KBTBD12: variants seen among roughly 807,000 people sequenced by gnomAD.
The protein encoded by KBTBD12 is kelch repeat and BTB domain-containing protein 12.
Under a neutral mutation model 58.7 loss-of-function variants are expected in KBTBD12, and 53 were observed. The ratio of observed to expected loss-of-function variants is 0.90; its 90% CI spans 0.72 to 1.14. The LOEUF (loss-of-function observed/expected upper bound fraction) is 1.14. Among genes scored for constraint, KBTBD12 ranks in the 50% most tolerant of loss-of-function variants. The pLI, the probability that KBTBD12 is intolerant of heterozygous loss-of-function variation, is 0.00. For synonymous variants in KBTBD12, 236 were observed against 259.8 expected (o/e 0.91, Z 0.88); for missense variants, 704 against 751.3 (o/e 0.94, Z 0.74).
chr3:127,962,191 C>T (rs1940454691), intron 4 of KBTBD12, among the ~76,000 whole-genome samples: 1 of 152,214 alleles, frequency 6.6e-6, no homozygotes, highest in Non-Finnish European at 1.5e-5. Flanking sequence ...AGGCATGTCC[C>T]TCCTTCCGGG....
In KBTBD12 at chr3:127,963,290, C is replaced by G. The variant is rs1474716630; in HGVS notation, c.1594C>G (p.Pro532Ala). The change falls in exon 5 of 6, where the codon CCC becomes GCC. Residue 532 changes from proline to alanine, a missense_variant. Transcript: ENST00000405109. The stretch of plus-strand genomic sequence containing the variant: ...TGGGGACTTTTGGCGAGAGGGCCCT[C>G]CCATGCCAAGTCCCCTCCTCTCACT... ...PDGDFWREGP[P>A]MPSPLLSLRT... 6.2e-7 allele frequency: 1 copy of G among 1,611,786 alleles called. No individual in the cohort carries two copies. Among genetic ancestry groups the G allele is most frequent in the Non-Finnish European group, 8.5e-7 (1 of 1,179,102 alleles).
intron 4 of KBTBD12, among the ~76,000 whole-genome samples, chr3:127,946,077 C>A (rs1039446760): frequency 1.3e-5 from 2 of 152,204 alleles, no homozygotes; most frequent in African/African-American, 4.8e-5. Flanking sequence ...TCTTCTCAAA[C>A]AATATAAGAA....
chr3:127,956,749 A>G (rs956258267), intron 4 of KBTBD12, among the ~76,000 whole-genome samples: 9 of 152,238 alleles, frequency 5.9e-5, no homozygotes, highest in Non-Finnish European at 1.2e-4. Context: ...AGAGTTGTAC[A>G]ACTATACAAT....
At chr3:127,930,828 A>T (rs1027426218) in intron 4 of KBTBD12, among the ~76,000 whole-genome samples, 1 of 152,206 alleles carries the variant, frequency 6.6e-6, no homozygotes, top group Non-Finnish European at 1.5e-5. Flanking sequence ...ACTAACAAGA[A>T]TTGGTAAAAG....
At chr3:127,976,417 C>T (rs569089973) in intron 5 of KBTBD12, among the ~76,000 whole-genome samples, 6 of 152,256 alleles carry the variant, frequency 3.9e-5, no homozygotes, top group Admixed American at 2.0e-4. Context: ...TTAATTAGCA[C>T]AATTTCCCCG....
chr3:127,964,695 G>C (rs1001883471), intron 5 of KBTBD12, among the ~76,000 whole-genome samples: 1 of 151,260 alleles, frequency 6.6e-6, no homozygotes, highest in Non-Finnish European at 1.5e-5. Context: ...ATGATATACT[G>C]TCTGAAATTT....
At chr3:127,939,898 G>A (rs992507485) in intron 4 of KBTBD12, among the ~76,000 whole-genome samples, 1 of 152,140 alleles carries the variant, frequency 6.6e-6, no homozygotes, top group Non-Finnish European at 1.5e-5. Context: ...GGTAGTTTAA[G>A]AGTAAAAGGC....
At chr3:127,973,017 T>G (rs1445731030) in intron 5 of KBTBD12, among the ~76,000 whole-genome samples, 2 of 152,152 alleles carry the variant, frequency 1.3e-5, no homozygotes, top group African/African-American at 4.8e-5. Flanking sequence ...CACAGACTAA[T>G]TACAACATGA....
At chr3:127,967,953 C>G (rs1169321271) in intron 5 of KBTBD12, among the ~76,000 whole-genome samples, 1 of 152,144 alleles carries the variant, frequency 6.6e-6, no homozygotes. Context: ...GTCAGTATCT[C>G]CACAGCAAAG....
intron 4 of KBTBD12, among the ~76,000 whole-genome samples, chr3:127,951,368 T>C (rs564564880): frequency 3.5e-4 from 54 of 152,272 alleles, no homozygotes; most frequent in African/African-American, 1.2e-3. Flanking sequence ...GTTACAAAGA[T>C]GAGAGTGGAT....
chr3:127,963,282 A>G lies in KBTBD12; in HGVS notation c.1586A>G (p.Glu529Gly), dbSNP rs771593545. The G allele has an allele frequency of 6.8e-6, 11 of 1,612,110 alleles. No homozygotes were observed. The East Asian group carries it at 1.3e-4, about 20-fold the overall frequency. The change falls in exon 5 of 6, where the codon GAG (glutamate) becomes GGG (glycine). Residue 529 changes from glutamate (E) to glycine (G), a missense_variant. Physicochemically the swap from Glu to Gly is moderately conservative, Grantham distance 98 (BLOSUM62 -2). Transcript: ENST00000405109. ...AACCCAGATGGGGACTTTTGGCGAG[A>G]GGGCCCTCCCATGCCAAGTCCCCTC... ...IYNPDGDFWR[E>G]GPPMPSPLLS...
chr3:127,915,886 C>T (rs989182203), intron 1 of KBTBD12, among the ~76,000 whole-genome samples: 2 of 152,214 alleles, frequency 1.3e-5, no homozygotes, highest in Admixed American at 6.5e-5. Flanking sequence ...TGCCTTCCGT[C>T]GCTAGACTGT....
At position 127,930,231 on chromosome 3, in the gene KBTBD12, C is replaced by A. The variant is rs761118098; in HGVS notation, c.1440C>A (p.Tyr480Ter). ...GGAGTGTGCGGGCACCCATGAAGTA[C>A]TCTAAGTACCGATTCAGTACAGCTG... The part of the protein sequence containing the change: ...DQWSVRAPMK[Y>*]SKYRFSTAVV... The change falls in exon 4 of 6, where the codon TAC becomes TAA. Residue 480 changes from tyrosine to a stop codon, truncating the protein, a stop_gained. Coordinates refer to ENST00000405109, the MANE Select transcript of KBTBD12 (RefSeq NM_207335.4). LOFTEE classifies it high-confidence loss of function. 2 of 1,610,914 alleles carry A rather than the reference C, an allele frequency of 1.2e-6. No individual in the cohort carries two copies. Among genetic ancestry groups the A allele is most frequent in the South Asian group, 2.2e-5 (2 of 90,432 alleles).
At chr3:127,922,802 T>C (rs911405778) in intron 1 of KBTBD12, 148 bp from the exon 2 acceptor site, 4 of 254,230 alleles carry the variant, frequency 1.6e-5, no homozygotes, top group African/African-American at 8.9e-5. Flanking sequence ...AAAATTAATA[T>C]TTTTAGATAC....
At chr3:127,970,136 C>G (rs981828478) in intron 5 of KBTBD12, among the ~76,000 whole-genome samples, 4 of 151,970 alleles carry the variant, frequency 2.6e-5, no homozygotes, top group Admixed American at 1.3e-4. Flanking sequence ...GACAAAGGAA[C>G]AGAATAGACA....
intron 4 of KBTBD12, among the ~76,000 whole-genome samples, chr3:127,950,233 A>G (rs1421486905): frequency 6.6e-6 from 1 of 152,222 alleles, no homozygotes; most frequent in African/African-American, 2.4e-5. Context: ...ACACACATGC[A>G]GGGGAAAGAA....
intron 1 of KBTBD12, among the ~76,000 whole-genome samples, chr3:127,921,872 T>C (rs1939418724): frequency 6.6e-6 from 1 of 152,136 alleles, no homozygotes; most frequent in Admixed American, 6.5e-5. Flanking sequence ...TTCTCAAAAC[T>C]CTTCAGCTGG....
chr3:127,954,572 A>G (rs2107605583), intron 4 of KBTBD12, among the ~76,000 whole-genome samples: 1 of 152,358 alleles, frequency 6.6e-6, no homozygotes, highest in East Asian at 1.9e-4. Flanking sequence ...TGTATTCATG[A>G]ATATGCTTTG....
chr3:127,950,186 G>A (rs1462095723), intron 4 of KBTBD12, among the ~76,000 whole-genome samples: 1 of 152,172 alleles, frequency 6.6e-6, no homozygotes, highest in Non-Finnish European at 1.5e-5. Flanking sequence ...TACAAAACAT[G>A]CCTTTGAGCT....
Sources: allele counts gnomAD v4.1 joint callset (sites outside exome capture counted in the v4.1 genomes callset), GRCh38; gene constraint gnomAD v4.1.1; transcripts MANE v1.5; gene names NCBI Gene and HGNC (gene_info 2026-07-23, HGNC 2026-07-21).